Variants in SGPP2 observed in about 807,000 individuals in gnomAD.
SGPP2 encodes sphingosine-1-phosphate phosphatase 2, also known as sphingosine 1-phosphate phosphohydrolase 2.
In SGPP2, 30 loss-of-function variants were observed where a neutral mutation model predicts 33.9. The ratio of observed to expected loss-of-function variants is 0.89; its 90% CI spans 0.66 to 1.20. SGPP2 has a LOEUF of 1.20. Ranked by LOEUF, SGPP2 falls within the 50% of genes most tolerant of loss-of-function variation. The pLI is 0.00. For synonymous variants in SGPP2, 233 were observed against 225.0 expected, an observed-to-expected ratio of 1.04 and a Z score of -0.32; for missense variants, 458 against 532.1, an observed-to-expected ratio of 0.86 and a Z score of 1.37.
At chr2:222,534,516 C>T (rs1698885168) in intron 4 of SGPP2, among the ~76,000 whole-genome samples, 4 of 152,022 alleles carry the variant, frequency 2.6e-5, no homozygotes, top group Non-Finnish European at 5.9e-5. Context: ...GAAAAGGTTT[C>T]TCAAATACTA....
intron 1 of SGPP2, among the ~76,000 whole-genome samples, chr2:222,470,926 C>T (rs1478076535): frequency 6.6e-6 from 1 of 152,190 alleles, no homozygotes; most frequent in African/African-American, 2.4e-5. Flanking sequence ...TTCATGATTC[C>T]GCTCTAGAGA....
chr2:222,547,409 T>C (rs1689220817), intron 4 of SGPP2, among the ~76,000 whole-genome samples: 1 of 152,234 alleles, frequency 6.6e-6, no homozygotes, highest in Non-Finnish European at 1.5e-5. Flanking sequence ...GAACGGTTCA[T>C]ATTTATGTGA....
At chr2:222,532,547 C>A (rs1417410456) in intron 4 of SGPP2, among the ~76,000 whole-genome samples, 3 of 152,092 alleles carry the variant, frequency 2.0e-5, no homozygotes, top group Non-Finnish European at 4.4e-5. Flanking sequence ...TGGCCCCACC[C>A]CAGGGAAGGC....
chr2:222,519,213 G>A (rs1019407042), intron 2 of SGPP2, among the ~76,000 whole-genome samples: 7 of 152,272 alleles, frequency 4.6e-5, no homozygotes, highest in Non-Finnish European at 7.4e-5. Flanking sequence ...TATATAGTGC[G>A]GTGCTTCTTA....
At chr2:222,456,466 G>A (rs1468266130) in intron 1 of SGPP2, among the ~76,000 whole-genome samples, 1 of 152,208 alleles carries the variant, frequency 6.6e-6, no homozygotes, top group East Asian at 1.9e-4. Flanking sequence ...ATATTGAACA[G>A]CACAGCTCTA....
At chr2:222,484,320 T>G (rs1181681109) in intron 2 of SGPP2, among the ~76,000 whole-genome samples, 1 of 151,912 alleles carries the variant, frequency 6.6e-6, no homozygotes, top group Non-Finnish European at 1.5e-5. Flanking sequence ...GTTGGTGGAG[T>G]AGAATTGTAG....
intron 1 of SGPP2, among the ~76,000 whole-genome samples, chr2:222,470,945 T>A (rs951201595): frequency 6.6e-6 from 1 of 152,252 alleles, no homozygotes; most frequent in African/African-American, 2.4e-5. Context: ...GAGAGGCATT[T>A]GTCACTTAAC....
intron 1 of SGPP2, among the ~76,000 whole-genome samples, chr2:222,455,652 C>T (rs2106079853): frequency 6.6e-6 from 1 of 152,316 alleles, no homozygotes; most frequent in Non-Finnish European, 1.5e-5. Context: ...ATTTGGGCTG[C>T]TCTGTACAAT....
chr2:222,424,822 G>A lies in SGPP2; in HGVS notation c.219+1G>A. ...GCTGCGCAGAGCCGCGGCGCCGGAG[G>A]TAACCATGGGCAGGTGTTCGCCGGG... On this transcript the variant is annotated splice_donor_variant, in intron 1 of 4. Transcript: ENST00000321276. LOFTEE classifies it high-confidence loss of function. The A allele has an allele frequency of 7.3e-7, 1 of 1,362,306 alleles. No individual in the cohort carries two copies. Among genetic ancestry groups the A allele is most frequent in the African/African-American group, 1.5e-5 (1 of 65,888 alleles). 84.4% of individuals were successfully genotyped at this position (1,362,306 alleles called of 1,614,324 possible). A position where few individuals can be genotyped will look rare whatever the true frequency, so the allele number is the denominator to read the frequency against.
chr2:222,478,079 T>C (rs1697975270), intron 2 of SGPP2, among the ~76,000 whole-genome samples: 1 of 151,174 alleles, frequency 6.6e-6, no homozygotes, highest in Non-Finnish European at 1.5e-5. Flanking sequence ...GTGAGAAGCG[T>C]AAGGTAATGT....
chr2:222,443,684 G>A (rs942249957), intron 1 of SGPP2, among the ~76,000 whole-genome samples: 1 of 151,906 alleles, frequency 6.6e-6, no homozygotes, highest in Non-Finnish European at 1.5e-5. Flanking sequence ...ATTGGTTTTG[G>A]TGCTGTTGAC....
At chr2:222,479,538 G>A (rs1186170663) in intron 2 of SGPP2, among the ~76,000 whole-genome samples, 1 of 151,482 alleles carries the variant, frequency 6.6e-6, no homozygotes, top group Non-Finnish European at 1.5e-5. Context: ...AAGTAGCTGG[G>A]ACAACAGGCG....
At chr2:222,434,751 T>C (rs1697208832) in intron 1 of SGPP2, among the ~76,000 whole-genome samples, 1 of 152,072 alleles carries the variant, frequency 6.6e-6, no homozygotes, top group South Asian at 2.1e-4. Flanking sequence ...CCTGTGGGTG[T>C]GGTGGTGAAT....
At chr2:222,426,040 A>G (rs1358349677) in intron 1 of SGPP2, among the ~76,000 whole-genome samples, 1 of 151,846 alleles carries the variant, frequency 6.6e-6, no homozygotes, top group East Asian at 1.9e-4. Flanking sequence ...CCTTGTCTTA[A>G]AAACGGGGCA....
intron 1 of SGPP2, among the ~76,000 whole-genome samples, chr2:222,438,561 G>T (rs990165694): frequency 2.6e-5 from 4 of 152,232 alleles, no homozygotes; most frequent in Non-Finnish European, 5.9e-5. Context: ...GGAGAAAAAG[G>T]CAGTTGCCAA....
intron 1 of SGPP2, among the ~76,000 whole-genome samples, chr2:222,435,935 G>A (rs1403637533): frequency 2.0e-5 from 3 of 152,142 alleles, no homozygotes; most frequent in African/African-American, 7.2e-5. Flanking sequence ...CTTCATTCCT[G>A]AAGGGTCTGG....
At position 222,476,999 on chromosome 2, in the gene SGPP2, G is replaced by A. The variant is rs1025882903; in HGVS notation, c.378+2273G>A. 3.3e-5 allele frequency among the ~76,000 whole-genome samples: 5 copies of A among 151,582 alleles called. No homozygotes were observed. The highest frequency in any genetic ancestry group is 3.3e-4 in the Admixed American group (5 of 15,208). On this transcript the variant is annotated intron_variant, in intron 2 of 4. Coordinates refer to ENST00000321276, the MANE Select transcript of SGPP2 (RefSeq NM_152386.4). This position sits in a 1 kb window ranked among gnomAD's most constrained non-coding sequence, Gnocchi z 4.3. Reference sequence around the variant, plus strand: ...ATATATAGGTGTGTGTATATTTTGTGTATTTATGTGTGTATGTATATAGGT... The same window carrying A: ...ATATATAGGTGTGTGTATATTTTGTATATTTATGTGTGTATGTATATAGGT...
intron 1 of SGPP2, among the ~76,000 whole-genome samples, chr2:222,431,625 C>A (rs997228401): frequency 2.6e-5 from 4 of 152,242 alleles, no homozygotes; most frequent in African/African-American, 9.6e-5. Flanking sequence ...TTGGAGCAAG[C>A]AACTTCAGCC....
chr2:222,540,817 GTTTTTTTT>G (rs750932260), intron 4 of SGPP2, among the ~76,000 whole-genome samples: 6 of 108,428 alleles, frequency 5.5e-5, no homozygotes, highest in South Asian at 6.7e-4. Context: ...CTTATAAACT[GTTTTTTTT>G]TTTTTTTTTT....
Sources: gnomAD v4.1 joint callset for allele counts (sites outside exome capture counted in the v4.1 genomes callset) on GRCh38, gnomAD v4.1.1 for gene constraint, Gnocchi (gnomAD v3.1) non-coding constraint, MANE v1.5 for transcripts, NCBI Gene and HGNC (gene_info 2026-07-23, HGNC 2026-07-21) for gene names.